ENOX1: variants seen among roughly 807,000 people sequenced by gnomAD.
ENOX1 encodes ecto-NOX disulfide-thiol exchanger 1.
In ENOX1, 42 loss-of-function variants were observed where a neutral mutation model predicts 82.5. The observed-to-expected ratio is 0.51, with a 90% confidence interval of 0.40 to 0.66. ENOX1 has a LOEUF of 0.66. Ranked by LOEUF, ENOX1 falls within the 30% of genes least tolerant of loss-of-function variation. The probability of loss-of-function intolerance (pLI) is 0.00; values close to 1 mark genes in which losing one functional copy is unlikely to be tolerated. For synonymous variants in ENOX1, 271 were observed against 282.2 expected (o/e 0.96, Z 0.40); for missense variants, 608 against 811.6 (o/e 0.75, Z 3.05).
At chr13:43,609,882 C>A (rs1001219408) in intron 2 of ENOX1, 1 of 976,710 alleles carries the variant, frequency 1.0e-6, no homozygotes, top group Non-Finnish European at 1.2e-6. Flanking sequence ...TAGGGACTTA[C>A]TTCATTCATG....
intron 1 of ENOX1, among the ~76,000 whole-genome samples, chr13:43,674,567 C>A (rs1269671270): frequency 2.0e-5 from 3 of 151,924 alleles, no homozygotes; most frequent in African/African-American, 7.3e-5. Context: ...CCATGGCTGC[C>A]AGGGGTTGTG....
chr13:43,462,891 A>C (rs1287195689), intron 3 of ENOX1, among the ~76,000 whole-genome samples: 1 of 152,056 alleles, frequency 6.6e-6, no homozygotes, highest in Non-Finnish European at 1.5e-5. Flanking sequence ...AATTAAAAAA[A>C]AATTTGTTAA....
intron 1 of ENOX1, among the ~76,000 whole-genome samples, chr13:43,688,297 T>C (rs535187128): frequency 6.6e-6 from 1 of 152,252 alleles, no homozygotes; most frequent in Admixed American, 6.5e-5. Flanking sequence ...AGACTAGATG[T>C]GTAGAAACCA....
rs377518694 is a variant in ENOX1, at chr13:43,355,950, G to C, written c.792C>G (p.His264Gln). 2 of 1,613,674 alleles carry C rather than the reference G, an allele frequency of 1.2e-6. No homozygotes were observed. Among genetic ancestry groups the C allele is most frequent in the African/African-American group, 2.7e-5 (2 of 74,938 alleles). The change falls in exon 8 of 17, where the codon CAC (histidine) becomes CAG (glutamine). Residue 264 changes from histidine (H) to glutamine (Q), a missense_variant. By Grantham distance (24) the His-to-Gln change is conservative. Transcript: ENST00000690772. ...SPPAIMHYSE[H>Q]EAALLAEKLK... ...GCTTTTCAGCCAGCAGAGCGGCTTC[G>C]TGCTCCGAGTAGTGCATTATGGCAG...
chr13:43,716,800 A>T (rs2088174052), intron 1 of ENOX1, among the ~76,000 whole-genome samples: 1 of 150,872 alleles, frequency 6.6e-6, no homozygotes, highest in African/African-American at 2.5e-5. Context: ...AAAAAAAAAA[A>T]TGAATTACCT....
chr13:43,449,075 G>C (rs539976227), intron 3 of ENOX1, among the ~76,000 whole-genome samples: 1 of 152,236 alleles, frequency 6.6e-6, no homozygotes, highest in African/African-American at 2.4e-5. Context: ...TCTAGGCAAA[G>C]TGCTTTGCTG....
chr13:43,379,997 C>T (rs2051916627), intron 5 of ENOX1, among the ~76,000 whole-genome samples: 1 of 151,736 alleles, frequency 6.6e-6, no homozygotes, highest in African/African-American at 2.4e-5. Flanking sequence ...CCAGAAGACA[C>T]TAGAATAGCA....
At chr13:43,579,321 C>T (rs1265494427) in intron 2 of ENOX1, among the ~76,000 whole-genome samples, 1 of 152,132 alleles carries the variant, frequency 6.6e-6, no homozygotes. Flanking sequence ...TAATTATCCA[C>T]TTGATGGAGA....
intron 3 of ENOX1, among the ~76,000 whole-genome samples, chr13:43,469,516 A>C (rs1309675101): frequency 6.6e-6 from 1 of 151,954 alleles, no homozygotes; most frequent in Non-Finnish European, 1.5e-5. Context: ...TAAAAATTTT[A>C]AATTCTATCT....
intron 3 of ENOX1, among the ~76,000 whole-genome samples, chr13:43,439,039 A>G (rs1436796296): frequency 1.6e-5 from 2 of 121,740 alleles, no homozygotes; most frequent in African/African-American, 5.8e-5. Context: ...CTGTCTTTTA[A>G]TCTTTTTTTT....
intron 9 of ENOX1, among the ~76,000 whole-genome samples, chr13:43,331,278 A>C (rs954059248): frequency 1.3e-5 from 2 of 152,200 alleles, no homozygotes; most frequent in African/African-American, 4.8e-5. Flanking sequence ...TCTTTCTCAC[A>C]GGCCCTGCAC....
chr13:43,704,333 T>C (rs2087105015), intron 1 of ENOX1, among the ~76,000 whole-genome samples: 1 of 152,150 alleles, frequency 6.6e-6, no homozygotes, highest in South Asian at 2.1e-4. Context: ...TTCTGACTTC[T>C]AATAATGGTG....
At chr13:43,593,100 A>T (rs1173131151) in intron 2 of ENOX1, among the ~76,000 whole-genome samples, 1 of 152,204 alleles carries the variant, frequency 6.6e-6, no homozygotes, top group African/African-American at 2.4e-5. Context: ...TGGATTAAAA[A>T]TTTCACTAAT....
At chr13:43,726,159 CA>C in intron 1 of ENOX1, among the ~76,000 whole-genome samples, 1 of 148,518 alleles carries the variant, frequency 6.7e-6, no homozygotes, top group South Asian at 2.1e-4. Flanking sequence ...AAGAATACAC[CA>C]AAAAAACAAA....
chr13:43,768,574 T>C (rs777768440), intron 1 of ENOX1, among the ~76,000 whole-genome samples: 5 of 152,036 alleles, frequency 3.3e-5, no homozygotes, highest in Non-Finnish European at 5.9e-5. Context: ...TGAGCTATGA[T>C]CATGCCACTG....
chr13:43,675,127 G>C (rs761302267), intron 1 of ENOX1, among the ~76,000 whole-genome samples: 1 of 152,112 alleles, frequency 6.6e-6, no homozygotes, highest in Non-Finnish European at 1.5e-5. Context: ...TTTTTGAAAG[G>C]TCACTCTGGC....
At chr13:43,592,689 G>A (rs190748399) in intron 2 of ENOX1, among the ~76,000 whole-genome samples, 4 of 152,230 alleles carry the variant, frequency 2.6e-5, no homozygotes, top group African/African-American at 4.8e-5. Flanking sequence ...AAGAAATTAA[G>A]CTTTTTCTAA....
rs1477712116 is a variant in ENOX1 at position 43,732,529 on chromosome 13, C to G, written c.-285+54123G>C. On this transcript the variant is annotated intron_variant, in intron 1 of 16. Coordinates refer to ENST00000690772, the MANE Select transcript of ENOX1 (RefSeq NM_001347969.2). ...TACCAAGTAATGGTGAGCGCCCAAT[C>G]AGCCACCTACTATTTTTAAAAAATT... Among the ~76,000 whole-genome samples, 4 of 152,314 alleles carry G rather than the reference C, an allele frequency of 2.6e-5. No individual in the cohort carries two copies. In the East Asian group the frequency reaches 7.7e-4, roughly 29 times the overall value.
chr13:43,718,225 T>C, intron 1 of ENOX1, among the ~76,000 whole-genome samples: 1 of 149,162 alleles, frequency 6.7e-6, no homozygotes, highest in East Asian at 2.0e-4. Context: ...TAATGTCCTT[T>C]GTAGCAATAT....
Sources: allele counts gnomAD v4.1 joint callset (sites outside exome capture counted in the v4.1 genomes callset), GRCh38; gene constraint gnomAD v4.1.1; transcripts MANE v1.5; gene names NCBI Gene and HGNC (gene_info 2026-07-23, HGNC 2026-07-21).